Variants in CLCN3 observed in about 807,000 individuals in gnomAD.
CLCN3 encodes Cl-/H+ antiporter 3.
A neutral mutation model predicts 83.4 loss-of-function variants in CLCN3; 16 were observed. That is an observed-to-expected ratio of 0.19 (90% CI 0.13 to 0.29). The LOEUF is 0.29. Ranked by LOEUF, CLCN3 falls within the 10% of genes least tolerant of loss-of-function variation. The pLI is 1.00. For missense variants in CLCN3, 544 were observed against 1,006.0 expected (o/e 0.54, Z 6.21); for synonymous variants, 322 against 346.2 (o/e 0.93, Z 0.78).
chr4:169,666,373 C>A (rs537485474), intron 2 of CLCN3, among the ~76,000 whole-genome samples: 1 of 152,212 alleles, frequency 6.6e-6, no homozygotes, highest in South Asian at 2.1e-4. Context: ...TAAAGGTACA[C>A]CCTGTGGCAT....
chr4:169,719,816 T>C (rs1291452781), intron 12 of CLCN3, 91 bp from the exon 13 acceptor site: 1 of 1,002,552 alleles, frequency 1.0e-6, no homozygotes, highest in Non-Finnish European at 1.5e-6. Flanking sequence ...TTTGCTCTAT[T>C]CCTGTCAACA....
chr4:169,652,467 G>A (rs907045273), intron 2 of CLCN3, among the ~76,000 whole-genome samples: 1 of 152,168 alleles, frequency 6.6e-6, no homozygotes, highest in African/African-American at 2.4e-5. Flanking sequence ...TAGTAGCTGT[G>A]TGGTTGCTCT....
At chr4:169,680,597 A>G (rs966160832) in intron 3 of CLCN3, 4 of 156,618 alleles carry the variant, frequency 2.6e-5, no homozygotes, top group African/African-American at 9.6e-5. Flanking sequence ...GCTCTTACCT[A>G]TGGAAAAAGA....
intron 12 of CLCN3, among the ~76,000 whole-genome samples, chr4:169,717,151 A>T (rs891083705): frequency 3.9e-5 from 6 of 152,218 alleles, no homozygotes; most frequent in Non-Finnish European, 8.8e-5. Context: ...AAAAATGCAC[A>T]AAGTGAAAGT....
intron 2 of CLCN3, among the ~76,000 whole-genome samples, chr4:169,657,266 A>C (rs1488910638): frequency 6.6e-6 from 1 of 152,156 alleles, no homozygotes; most frequent in African/African-American, 2.4e-5. Context: ...TTGTTTCTTA[A>C]AAAATTGTAT....
intron 5 of CLCN3, 38 bp downstream of exon 5, chr4:169,689,268 A>T: frequency 6.5e-7 from 1 of 1,535,314 alleles, no homozygotes; most frequent in Non-Finnish European, 8.9e-7. Flanking sequence ...TTAATAATTG[A>T]TATAGCAAAA....
intron 9 of CLCN3, among the ~76,000 whole-genome samples, chr4:169,702,598 A>G (rs1732831206): frequency 6.6e-6 from 1 of 152,134 alleles, no homozygotes; most frequent in Admixed American, 6.5e-5. Context: ...ACTTAAAAAA[A>G]AAGTCTTTGA....
intron 7 of CLCN3, among the ~76,000 whole-genome samples, chr4:169,694,713 C>CCTGT (rs971268865): frequency 2.6e-5 from 4 of 152,124 alleles, no homozygotes; most frequent in African/African-American, 7.2e-5. Flanking sequence ...GTGGCAGGCG[C>CCTGT]CTGTAATCCC....
chr4:169,632,459 G>C (rs1483604145), intron 1 of CLCN3, among the ~76,000 whole-genome samples: 1 of 152,132 alleles, frequency 6.6e-6, no homozygotes, highest in Non-Finnish European at 1.5e-5. Flanking sequence ...GCCAGGCGCG[G>C]TGGCTCAGGC....
At chr4:169,658,815 A>ATTCGAGGC (rs1240509248) in intron 2 of CLCN3, among the ~76,000 whole-genome samples, 1 of 152,136 alleles carries the variant, frequency 6.6e-6, no homozygotes, top group Non-Finnish European at 1.5e-5. Flanking sequence ...TCTAGTCTAT[A>ATTCGAGGC]TTCCTTTCCT....
chr4:169,713,140 C>T lies in CLCN3; in HGVS notation c.2211C>T (p.His737=), dbSNP rs755585812. The change falls in exon 12 of 13, where the codon CAC becomes CAT. Residue 737 remains histidine (H), a synonymous_variant. Coordinates refer to ENST00000513761, the MANE Select transcript of CLCN3 (RefSeq NM_001829.4). ...VGSSRVCFAQ[H]TPSLPAESPR... ...GTTCTCGGGTGTGTTTTGCACAGCA[C>T]ACCCCATCTCTTCCAGCAGAAAGTC... 9 of 1,614,172 alleles carry T rather than the reference C, an allele frequency of 5.6e-6. No homozygotes were observed. The highest frequency in any genetic ancestry group is 1.7e-5 in the Admixed American group (1 of 60,026).
chr4:169,666,106 A>G (rs185638606), intron 2 of CLCN3, among the ~76,000 whole-genome samples: 1 of 152,222 alleles, frequency 6.6e-6, no homozygotes, highest in East Asian at 1.9e-4. Flanking sequence ...AGTGTTTGTC[A>G]AACTTCAAGT....
intron 2 of CLCN3, among the ~76,000 whole-genome samples, chr4:169,671,332 C>T (rs1731448172): frequency 6.6e-6 from 1 of 152,102 alleles, no homozygotes; most frequent in Non-Finnish European, 1.5e-5. Flanking sequence ...TCATTCTCAG[C>T]AAACTAACAC....
Position 169,706,929 on chromosome 4 carries a change from G to A in CLCN3, c.1812G>A (p.Leu604=). The change falls in exon 11 of 13, where the codon TTG becomes TTA. Residue 604 remains leucine, a synonymous_variant. Coordinates refer to ENST00000513761, the MANE Select transcript of CLCN3 (RefSeq NM_001829.4). ...VVIVFELTGG[L]EYIVPLMAAV... ...TTGTTTTTGAGCTTACTGGAGGCTT[G>A]GAATATATTGTTCCCCTTATGGCTG... The A allele has an allele frequency of 6.2e-7, 1 of 1,614,104 alleles. No homozygotes were observed. The highest frequency in any genetic ancestry group is 1.6e-4 in the Middle Eastern group (1 of 6,062).
At position 169,620,612 on chromosome 4, in the gene CLCN3, C is replaced by A. The variant is rs996802605; in HGVS notation, c.-468C>A. On this transcript the variant is annotated 5_prime_UTR_variant, in exon 1 of 13. Transcript: ENST00000513761. The stretch of plus-strand genomic sequence containing the variant: ...TTCCGTGGGTCAGGGCCGGTCCGGT[C>A]CGGAACCTGCAGCCCCTTTCCCAGT... 2.3e-5 allele frequency: 9 copies of A among 397,298 alleles called. 1 individual carries two copies. The highest frequency in any genetic ancestry group is 1.2e-3 in the Middle Eastern group (2 of 1,608). 24.6% of individuals were successfully genotyped at this position (397,298 alleles called of 1,614,324 possible).
chr4:169,671,488 C>A (rs1205092592), intron 2 of CLCN3, among the ~76,000 whole-genome samples: 3 of 152,094 alleles, frequency 2.0e-5, no homozygotes, highest in Non-Finnish European at 4.4e-5. Flanking sequence ...AGGACAAATA[C>A]ATAATGCATT....
At chr4:169,709,861 G>A (rs1733142530) in intron 11 of CLCN3, among the ~76,000 whole-genome samples, 2 of 151,966 alleles carry the variant, frequency 1.3e-5, no homozygotes, top group African/African-American at 2.4e-5. Context: ...TAAATGGGAG[G>A]CCAGGGTGGG....
chr4:169,629,357 A>G (rs893128415), intron 1 of CLCN3, among the ~76,000 whole-genome samples: 6 of 152,150 alleles, frequency 3.9e-5, no homozygotes, highest in Admixed American at 1.3e-4. Flanking sequence ...AAAAAATTGA[A>G]CATCTACTGT....
chr4:169,656,426 A>G (rs868850711), intron 2 of CLCN3, among the ~76,000 whole-genome samples: 2 of 152,318 alleles, frequency 1.3e-5, no homozygotes, highest in Non-Finnish European at 1.5e-5. Context: ...TGAGTACTCT[A>G]TAATGAGATA....
Sources: allele counts gnomAD v4.1 joint callset (sites outside exome capture counted in the v4.1 genomes callset), GRCh38; gene constraint gnomAD v4.1.1; transcripts MANE v1.5; gene names NCBI Gene and HGNC (gene_info 2026-07-23, HGNC 2026-07-21).